IGSF21: variants seen among roughly 807,000 people sequenced by gnomAD.
IGSF21 encodes immunoglobulin superfamily member 21.
IGSF21 carries 28 observed loss-of-function variants against 46.8 expected under a neutral mutation model. The observed-to-expected ratio is 0.60, with a 90% CI of 0.44 to 0.82. The LOEUF (loss-of-function observed/expected upper bound fraction) is 0.82, where lower values mean the gene tolerates loss of function less well. Among genes scored for constraint, IGSF21 ranks in the 40% least tolerant of loss-of-function variants. The pLI, the probability that IGSF21 is intolerant of heterozygous loss-of-function variation, is 0.00. For missense variants in IGSF21, 624 were observed against 665.5 expected (o/e 0.94, Z 0.69); for synonymous variants, 284 against 273.6 (o/e 1.04, Z -0.38).
At chr1:18,130,855 C>T (rs1003539664) in intron 1 of IGSF21, among the ~76,000 whole-genome samples, 1 of 152,262 alleles carries the variant, frequency 6.6e-6, no homozygotes, top group Non-Finnish European at 1.5e-5. Flanking sequence ...ACCTCAGAAT[C>T]TGTCCATGTC....
intron 2 of IGSF21, among the ~76,000 whole-genome samples, chr1:18,232,747 G>C (rs192828322): frequency 1.3e-5 from 2 of 152,312 alleles, no homozygotes; most frequent in Non-Finnish European, 2.9e-5. Flanking sequence ...TTGACACCTA[G>C]AGCAGAGTCA....
At chr1:18,284,352 G>A (rs571389413) in intron 2 of IGSF21, among the ~76,000 whole-genome samples, 59 of 152,286 alleles carry the variant, frequency 3.9e-4, no homozygotes, top group African/African-American at 1.4e-3. Context: ...CATGTACTAC[G>A]TGCCGGTTCC....
intron 1 of IGSF21, among the ~76,000 whole-genome samples, chr1:18,178,199 C>A (rs563002758): frequency 6.6e-6 from 1 of 152,124 alleles, no homozygotes; most frequent in Admixed American, 6.5e-5. Context: ...GTTGACCTGC[C>A]GCAGGCCAGC....
chr1:18,168,781 G>C (rs763532921), intron 1 of IGSF21, among the ~76,000 whole-genome samples: 6 of 152,194 alleles, frequency 3.9e-5, no homozygotes, highest in Non-Finnish European at 1.5e-5. Flanking sequence ...TTTATAGCTG[G>C]AGAGACTCAG....
rs755025634 is a variant in IGSF21 at position 18,376,944 on chromosome 1, C to G, written c.1246C>G (p.Gln416Glu). The change falls in exon 8 of 10, where the codon CAG becomes GAG. Residue 416 changes from glutamine (Q) to glutamate (E), a missense_variant. By Grantham distance (29) the Gln-to-Glu change is conservative. Transcript: ENST00000251296. ...LNGSMYRCTA[Q>E]NPLGSTDTHT... Reference sequence around the variant, plus strand: ...TGGCTCCATGTATCGCTGCACCGCCCAGAACCCACTGGGCTCCACCGACAC... The same window carrying G: ...TGGCTCCATGTATCGCTGCACCGCCGAGAACCCACTGGGCTCCACCGACAC... 1.2e-6 allele frequency: 2 copies of G among 1,607,624 alleles called. No individual in the cohort carries two copies. The highest frequency in any genetic ancestry group is 1.1e-5 in the South Asian group (1 of 90,884).
intron 1 of IGSF21, among the ~76,000 whole-genome samples, chr1:18,221,399 C>T (rs1424776124): frequency 6.6e-6 from 1 of 152,094 alleles, no homozygotes; most frequent in African/African-American, 2.4e-5. Flanking sequence ...AGGCCCATAT[C>T]CCTCTCATGG....
chr1:18,215,138 A>C (rs1459682127), intron 1 of IGSF21, among the ~76,000 whole-genome samples: 1 of 152,222 alleles, frequency 6.6e-6, no homozygotes, highest in African/African-American at 2.4e-5. Flanking sequence ...ACCTCCCACC[A>C]GATCCCTCCC....
rs142738360 is a variant in IGSF21 at position 18,306,007 on chromosome 1, A to G, written c.305+14020A>G. Among the ~76,000 whole-genome samples, 1,117 of 152,320 alleles carry G rather than the reference A, an allele frequency of 7.3e-3. 15 individuals carry two copies. The highest frequency in any genetic ancestry group is 0.01 in the Middle Eastern group (3 of 294). On this transcript the variant is annotated intron_variant, in intron 3 of 9. Coordinates refer to ENST00000251296, the MANE Select transcript of IGSF21 (RefSeq NM_032880.5). The stretch of plus-strand genomic sequence containing the variant: ...CACAACTTAGGTCCTTTCTCTGTGC[A>G]TCATGGCTTCTTGCCACCTGAGTTT...
chr1:18,281,036 A>G, intron 2 of IGSF21, among the ~76,000 whole-genome samples: 1 of 151,686 alleles, frequency 6.6e-6, no homozygotes, highest in East Asian at 1.9e-4. Context: ...CCCAACCTCC[A>G]CCTCACCCAT....
At chr1:18,249,608 G>GC (rs2084817562) in intron 2 of IGSF21, among the ~76,000 whole-genome samples, 1 of 152,162 alleles carries the variant, frequency 6.6e-6, no homozygotes, top group African/African-American at 2.4e-5. Context: ...AAGCTGTTTT[G>GC]CCCCCGTGGT....
chr1:18,141,826 C>T (rs1003541331), intron 1 of IGSF21, among the ~76,000 whole-genome samples: 7 of 152,106 alleles, frequency 4.6e-5, no homozygotes, highest in African/African-American at 7.2e-5. Context: ...CCCAGCACTT[C>T]GGCAGGCCAA....
intron 1 of IGSF21, among the ~76,000 whole-genome samples, chr1:18,139,535 C>A (rs1001580040): frequency 8.3e-4 from 126 of 152,320 alleles, no homozygotes; most frequent in African/African-American, 3.0e-3. Context: ...TTTTCACCAC[C>A]CTCTGCAGTG....
At chr1:18,297,396 G>A (rs949130364) in intron 3 of IGSF21, among the ~76,000 whole-genome samples, 1 of 152,118 alleles carries the variant, frequency 6.6e-6, no homozygotes, top group Non-Finnish European at 1.5e-5. Context: ...AAGGAATTGA[G>A]TAGTTACCAT....
At chr1:18,291,385 G>C (rs998734221) in intron 2 of IGSF21, among the ~76,000 whole-genome samples, 2 of 152,218 alleles carry the variant, frequency 1.3e-5, no homozygotes, top group Admixed American at 6.5e-5. Flanking sequence ...CCTGCCTCTA[G>C]TCTTGCCCCT....
At chr1:18,295,684 T>G (rs1269027699) in intron 3 of IGSF21, among the ~76,000 whole-genome samples, 1 of 152,202 alleles carries the variant, frequency 6.6e-6, no homozygotes, top group Non-Finnish European at 1.5e-5. Flanking sequence ...CACTTCCTCT[T>G]ACCCCTCGCT....
At chr1:18,136,738 G>A (rs1159442903) in intron 1 of IGSF21, among the ~76,000 whole-genome samples, 6 of 152,066 alleles carry the variant, frequency 3.9e-5, no homozygotes, top group Non-Finnish European at 5.9e-5. Context: ...TTGGCGATGC[G>A]GGCTCTTTTT....
chr1:18,126,342 G>A (rs1444917734), intron 1 of IGSF21, among the ~76,000 whole-genome samples: 1 of 152,188 alleles, frequency 6.6e-6, no homozygotes, highest in Non-Finnish European at 1.5e-5. Flanking sequence ...CAGGCCATCT[G>A]GGCTGGGGGA....
At chr1:18,372,552 GGATGTTTT>G (rs2086235099) in intron 6 of IGSF21, among the ~76,000 whole-genome samples, 1 of 150,922 alleles carries the variant, frequency 6.6e-6, no homozygotes, top group South Asian at 2.1e-4. Flanking sequence ...ATGGATGGAT[GGATGTTTT>G]GATGGATGGA....
chr1:18,323,407 C>T (rs979055261), intron 3 of IGSF21, among the ~76,000 whole-genome samples: 2 of 152,152 alleles, frequency 1.3e-5, no homozygotes, highest in African/African-American at 2.4e-5. Flanking sequence ...GAGCCCCACC[C>T]GTCCAGCACC....
Sources: allele counts gnomAD v4.1 joint callset (sites outside exome capture counted in the v4.1 genomes callset), GRCh38; gene constraint gnomAD v4.1.1; transcripts MANE v1.5; gene names NCBI Gene and HGNC (gene_info 2026-07-23, HGNC 2026-07-21).